BCORL1: variants seen among roughly 807,000 people sequenced by gnomAD.
BCORL1 encodes BCL-6 corepressor-like protein 1.
Under a neutral mutation model 87.6 loss-of-function variants are expected in BCORL1, and 7 were observed. The ratio of observed to expected loss-of-function variants is 0.08; its 90% confidence interval spans 0.05 to 0.15. The LOEUF (loss-of-function observed/expected upper bound fraction) is 0.15, where lower values mean the gene tolerates loss of function less well. Ranked by LOEUF, BCORL1 falls within the 10% of genes least tolerant of loss-of-function variation. BCORL1 has a pLI of 1.00. For missense variants in BCORL1, 1,215 were observed against 1,499.7 expected (o/e 0.81, Z 3.13); for synonymous variants, 591 against 634.4 (o/e 0.93, Z 1.03).
intron 4 of BCORL1, 32 bp downstream of exon 4, chrX:130,016,245 C>G: frequency 3.5e-6 from 4 of 1,157,086 alleles, no homozygotes; most frequent in Non-Finnish European, 4.6e-6. Context: ...AGGGTGGGGC[C>G]GAGATGCCGC....
At chrX:129,994,548 T>C (rs1927409773) in intron 1 of BCORL1, among the ~76,000 whole-genome samples, 1 of 85,495 alleles carries the variant, frequency 1.2e-5, no homozygotes, top group Non-Finnish European at 2.3e-5. Context: ...CTACATTCAT[T>C]TGAATGATAA....
intron 2 of BCORL1, among the ~76,000 whole-genome samples, chrX:130,009,465 GAAAA>G (rs58485210): frequency 3.9e-5 from 2 of 50,929 alleles, no homozygotes; most frequent in African/African-American, 5.7e-5. Flanking sequence ...CTAAAAGAAA[GAAAA>G]AAAAAAAAAA....
chrX:130,037,569 A>G, intron 10 of BCORL1, 36 bp downstream of exon 10: 2 of 1,171,067 alleles, frequency 1.7e-6, no homozygotes, highest in Non-Finnish European at 2.3e-6. Context: ...TCCCGCCCTC[A>G]CTCCCAGCTC....
intron 1 of BCORL1, among the ~76,000 whole-genome samples, chrX:130,003,329 T>G (rs1361575956): frequency 9.2e-6 from 1 of 109,274 alleles, no homozygotes; most frequent in Non-Finnish European, 1.9e-5. Context: ...TTAGTCTGTG[T>G]TGTATTATCT....
rs1011329578 is a variant in BCORL1 at position 130,039,353 on chromosome X, C to A, written c.4840+71C>A. ...CTGATTCCTGAACTTGTGAGGACATCCTCTTCATCTCCTTCCACCTTGAAC... is the reference window on the plus strand; with the variant it reads ...CTGATTCCTGAACTTGTGAGGACATACTCTTCATCTCCTTCCACCTTGAAC... On this transcript the variant is annotated intron_variant, in intron 11 of 13. Coordinates refer to ENST00000540052, the MANE Select transcript of BCORL1 (RefSeq NM_001379451.1). 18 of 1,138,748 alleles carry A rather than the reference C, an allele frequency of 1.6e-5. No individual in the cohort carries two copies. The African/African-American group carries it at 3.0e-4, about 19-fold the overall frequency. 93.8% of individuals were successfully genotyped at this position (1,138,748 alleles called of 1,213,427 possible).
intron 11 of BCORL1, among the ~76,000 whole-genome samples, chrX:130,041,988 G>A (rs1221310064): frequency 4.5e-5 from 5 of 111,781 alleles, no homozygotes; most frequent in African/African-American, 9.8e-5. Context: ...GTGTATGTAC[G>A]TATATGTGTT....
chrX:130,006,467 T>C (rs1187150065), intron 2 of BCORL1, among the ~76,000 whole-genome samples: 2 of 108,172 alleles, frequency 1.8e-5, no homozygotes. Flanking sequence ...TTCACGCCAT[T>C]CTCCTGCCTC....
chrX:130,034,372 G>A (rs945640696), intron 8 of BCORL1, 83 bp from the exon 9 acceptor site: 7 of 686,710 alleles, frequency 1.0e-5, no homozygotes, highest in Non-Finnish European at 1.4e-5. Context: ...AGATGGCCTT[G>A]GCCACTGAGG....
upstream of BCORL1, among the ~76,000 whole-genome samples, chrX:129,982,128 A>C (rs754994649): frequency 9.1e-6 from 1 of 109,426 alleles, no homozygotes; most frequent in African/African-American, 3.3e-5. Context: ...GTTGGAAGAA[A>C]GAGAGAGAAC....
At chrX:130,043,574 TG>T (rs1931474082) in intron 11 of BCORL1, among the ~76,000 whole-genome samples, 1 of 106,160 alleles carries the variant, frequency 9.4e-6, no homozygotes, top group South Asian at 4.2e-4. Flanking sequence ...CATGGACTTC[TG>T]ATTTATTTAT....
At position 130,013,319 on chromosome X, in the gene BCORL1, G is replaced by A; in HGVS notation, c.547G>A (p.Val183Ile). 8.3e-7 allele frequency: 1 copy of A among 1,212,078 alleles called. No homozygotes were observed. Among genetic ancestry groups the A allele is most frequent in the Non-Finnish European group, 1.1e-6 (1 of 895,561 alleles). The change falls in exon 4 of 14, where the codon GTC (valine) becomes ATC (isoleucine). Residue 183 changes from valine (V) to isoleucine (I), a missense_variant. This residue lies in a region of BCORL1 where 861 missense variants were observed against 1,010.0 expected (regional missense o/e 0.85). Coordinates refer to ENST00000540052, the MANE Select transcript of BCORL1 (RefSeq NM_001379451.1). Reference protein sequence around the residue: ...TFILATLGTGVPVEGTLPLVT... With the variant: ...TFILATLGTGIPVEGTLPLVT... ...CATTTTGGCAACTCTGGGAACTGGAGTCCCTGTGGAGGGGACCCTGCCCCT... is the reference window on the plus strand; with the variant it reads ...CATTTTGGCAACTCTGGGAACTGGAATCCCTGTGGAGGGGACCCTGCCCCT...
Position 130,022,910 on chromosome X carries a change from G to T in BCORL1, c.3621G>T (p.Lys1207Asn). The T allele has an allele frequency of 8.3e-7, 1 of 1,211,251 alleles. No homozygotes were observed. The highest frequency in any genetic ancestry group is 1.1e-6 in the Non-Finnish European group (1 of 894,865). ...ACATCACTCCAGGTTCCTTGGAAAA[G>T]AAAGCAAAGAGCAGTTTCCGTGACT... ...ADSHEEGSLE[K>N]KAKSSFRDFI... Residue 1207 changes from lysine to asparagine, a missense_variant, in exon 6 of 14, where the codon AAG (lysine) becomes AAT (asparagine). Physicochemically the swap from Lys to Asn is moderately conservative, Grantham distance 94 (BLOSUM62 0). Transcript: ENST00000540052.
chrX:130,011,405 T>C (rs945165930), intron 2 of BCORL1, among the ~76,000 whole-genome samples: 52 of 110,551 alleles, frequency 4.7e-4, no homozygotes, highest in Non-Finnish European at 8.7e-4. Flanking sequence ...GCCTGGCTAA[T>C]TTTTGTATTT....
Position 130,013,923 on chromosome X carries a change from C to T in BCORL1, c.1151C>T (p.Pro384Leu). ...TTTGCTCCTACACCGGTGCCTGCAC[C>T]CACCCCAGCCCCCATCTTTACTCCA... ...PAFAPTPVPA[P>L]TPAPIFTPAP... Residue 384 changes from proline (P) to leucine (L), a missense_variant, in exon 4 of 14, where the codon CCC becomes CTC. Pro to Leu is a moderately conservative substitution (Grantham distance 98, BLOSUM62 -3). Coordinates refer to ENST00000540052, the MANE Select transcript of BCORL1 (RefSeq NM_001379451.1). 8.5e-7 allele frequency: 1 copy of T among 1,174,325 alleles called. No homozygotes were observed. Among genetic ancestry groups the T allele is most frequent in the Non-Finnish European group, 1.1e-6 (1 of 876,234 alleles).
At chrX:130,044,881 G>A (rs1931649884) in intron 11 of BCORL1, among the ~76,000 whole-genome samples, 1 of 112,751 alleles carries the variant, frequency 8.9e-6, no homozygotes, top group Non-Finnish European at 1.9e-5. Context: ...TTGTAAAGCA[G>A]AAGATAGATA....
chrX:130,004,518 T>A (rs1263381389), intron 1 of BCORL1, among the ~76,000 whole-genome samples: 3 of 111,830 alleles, frequency 2.7e-5, no homozygotes. Context: ...ATGTTGGGAT[T>A]ACAGGCGTGA....
chrX:130,007,081 A>T (rs1928568893), intron 2 of BCORL1, among the ~76,000 whole-genome samples: 1 of 112,035 alleles, frequency 8.9e-6, no homozygotes, highest in Non-Finnish European at 1.9e-5. Context: ...GGTAATTTGA[A>T]GGGAAAAGGA....
chrX:130,047,022 C>T (rs745749317), intron 11 of BCORL1, among the ~76,000 whole-genome samples: 25 of 109,571 alleles, frequency 2.3e-4, no homozygotes, highest in African/African-American at 7.3e-4. Context: ...TTGTGTCTGG[C>T]TTCTTTCATG....
At chrX:130,047,017 T>A (rs867018849) in intron 11 of BCORL1, among the ~76,000 whole-genome samples, 1 of 109,987 alleles carries the variant, frequency 9.1e-6, no homozygotes, top group Non-Finnish European at 1.9e-5. Context: ...GCCTTTTGTG[T>A]CTGGCTTCTT....
Sources: gnomAD v4.1 joint callset for allele counts (sites outside exome capture counted in the v4.1 genomes callset) on GRCh38, gnomAD v4.1.1 for gene constraint, gnomAD v4.1.1 regional missense constraint, MANE v1.5 for transcripts, NCBI Gene and HGNC (gene_info 2026-07-23, HGNC 2026-07-21) for gene names.